GRIK2: variants seen among roughly 807,000 people sequenced by gnomAD.
The protein encoded by GRIK2 is glutamate receptor ionotropic, kainate 2.
In GRIK2, 32 loss-of-function variants were observed where a neutral mutation model predicts 100.3. That is an observed-to-expected ratio of 0.32 (90% CI 0.24 to 0.43). The LOEUF (loss-of-function observed/expected upper bound fraction) is 0.43, where lower values mean the gene tolerates loss of function less well. Ranked by LOEUF, GRIK2 falls within the 20% of genes least tolerant of loss-of-function variation. The pLI, the probability that GRIK2 is intolerant of heterozygous loss-of-function variation, is 1.00. For synonymous variants in GRIK2, 417 were observed against 389.4 expected (o/e 1.07, Z -0.83); for missense variants, 843 against 1,114.9 (o/e 0.76, Z 3.47).
intron 14 of GRIK2, among the ~76,000 whole-genome samples, chr6:102,010,542 C>A (rs1454053121): frequency 6.6e-6 from 1 of 151,958 alleles, no homozygotes; most frequent in Non-Finnish European, 1.5e-5. Flanking sequence ...TGCCACCATG[C>A]CCAGCTAATT....
chr6:101,779,678 T>C (rs944587770), intron 7 of GRIK2, among the ~76,000 whole-genome samples: 14 of 152,296 alleles, frequency 9.2e-5, no homozygotes, highest in African/African-American at 3.4e-4. Context: ...ATTAGCCCTG[T>C]CTGGCTGGTA....
At chr6:101,916,662 G>GCACTT (rs1206080423) in intron 12 of GRIK2, among the ~76,000 whole-genome samples, 2 of 151,480 alleles carry the variant, frequency 1.3e-5, no homozygotes, top group Admixed American at 6.6e-5. Flanking sequence ...AACCTTCTGT[G>GCACTT]CACTTCAGAG....
chr6:101,625,958 C>T (rs143469205), intron 3 of GRIK2, among the ~76,000 whole-genome samples: 178 of 152,104 alleles, frequency 1.2e-3, no homozygotes, highest in African/African-American at 4.0e-3. Context: ...GCTAATTGCA[C>T]GAGTAAAGGG....
chr6:102,036,744 T>C (rs1279525004), intron 15 of GRIK2, among the ~76,000 whole-genome samples: 1 of 151,362 alleles, frequency 6.6e-6, no homozygotes, highest in Non-Finnish European at 1.5e-5. Context: ...TTCTGACATA[T>C]AGAACTGTGA....
intron 2 of GRIK2, among the ~76,000 whole-genome samples, chr6:101,491,866 TGC>T (rs1222331863): frequency 2.6e-5 from 4 of 151,910 alleles, no homozygotes; most frequent in African/African-American, 4.8e-5. Context: ...TATCATAGTT[TGC>T]ATATATATAT....
chr6:101,913,710 G>A (rs1412851347), intron 12 of GRIK2, among the ~76,000 whole-genome samples: 1 of 151,418 alleles, frequency 6.6e-6, no homozygotes, highest in Admixed American at 6.6e-5. Context: ...TTAATGAGCT[G>A]TAATAAAGGA....
At chr6:101,483,116 T>C (rs1489908999) in intron 2 of GRIK2, among the ~76,000 whole-genome samples, 1 of 152,206 alleles carries the variant, frequency 6.6e-6, no homozygotes, top group South Asian at 2.1e-4. Context: ...TCTTACTTTT[T>C]TTTAAATCAG....
chr6:102,037,984 C>G (rs1282852944), intron 15 of GRIK2, among the ~76,000 whole-genome samples: 1 of 151,558 alleles, frequency 6.6e-6, no homozygotes, highest in African/African-American at 2.4e-5. Flanking sequence ...TGAATATCAT[C>G]ATGCAGTATT....
At chr6:101,750,244 G>T (rs1776702213) in intron 7 of GRIK2, among the ~76,000 whole-genome samples, 1 of 152,028 alleles carries the variant, frequency 6.6e-6, no homozygotes, top group Non-Finnish European at 1.5e-5. Context: ...GACCAAGTTG[G>T]CCAGTGTTAC....
Position 102,050,800 on chromosome 6 carries a change from G to T in GRIK2, c.2312-4530G>T, listed in dbSNP as rs554834342. 5.8e-4 allele frequency among the ~76,000 whole-genome samples: 88 copies of T among 151,040 alleles called. 1 individual carries two copies. The highest frequency in any genetic ancestry group is 2.1e-3 in the African/African-American group (88 of 41,160). On this transcript the variant is annotated intron_variant, in intron 15 of 16. Coordinates refer to ENST00000369134, the MANE Select transcript of GRIK2 (RefSeq NM_021956.5). The stretch of plus-strand genomic sequence containing the variant: ...AGGGTAGAGGGAGAAAGGGAGGGAG[G>T]GAGGACAGAAGGAAGGAAGGAAGCA...
intron 14 of GRIK2, among the ~76,000 whole-genome samples, chr6:102,023,433 G>T (rs1769533947): frequency 6.6e-6 from 1 of 151,494 alleles, no homozygotes; most frequent in African/African-American, 2.4e-5. Flanking sequence ...ATTCGCTGTG[G>T]CTTGTAGGGT....
intron 12 of GRIK2, chr6:101,891,663 AT>A (rs1787109205): frequency 2.8e-6 from 1 of 362,036 alleles, no homozygotes; most frequent in African/African-American, 2.2e-5. Context: ...TCAGATAATT[AT>A]TATTTGCATT....
At chr6:102,068,068 A>T (rs1302184218) in intron 16 of GRIK2, among the ~76,000 whole-genome samples, 1 of 151,858 alleles carries the variant, frequency 6.6e-6, no homozygotes, top group Non-Finnish European at 1.5e-5. Context: ...TCATAGGAAA[A>T]TTTTATTTAA....
intron 4 of GRIK2, among the ~76,000 whole-genome samples, chr6:101,656,268 A>T (rs1461044940): frequency 6.6e-6 from 1 of 150,652 alleles, no homozygotes; most frequent in Non-Finnish European, 1.5e-5. Flanking sequence ...GCACCATTGT[A>T]CTCCAGCCTG....
chr6:101,573,769 A>T (rs527762776), intron 2 of GRIK2, among the ~76,000 whole-genome samples: 49 of 152,246 alleles, frequency 3.2e-4, no homozygotes, highest in African/African-American at 1.1e-3. Flanking sequence ...ACCTGTAAAT[A>T]CAAATAAGCC....
intron 2 of GRIK2, among the ~76,000 whole-genome samples, chr6:101,432,929 C>T (rs1030417974): frequency 4.6e-5 from 7 of 152,018 alleles, no homozygotes; most frequent in Admixed American, 6.6e-5. Flanking sequence ...AGATCTACCC[C>T]CTTTCCAGAC....
intron 12 of GRIK2, among the ~76,000 whole-genome samples, chr6:101,923,268 C>T (rs562111721): frequency 2.7e-4 from 41 of 151,786 alleles, no homozygotes; most frequent in African/African-American, 9.7e-4. Context: ...TTTCACAAAG[C>T]GGACATATTC....
At chr6:101,849,107 C>G (rs1783970071) in intron 10 of GRIK2, among the ~76,000 whole-genome samples, 1 of 151,738 alleles carries the variant, frequency 6.6e-6, no homozygotes, top group African/African-American at 2.4e-5. Context: ...CTAAAACTTG[C>G]TGCCTTATAC....
intron 7 of GRIK2, among the ~76,000 whole-genome samples, chr6:101,785,383 G>T (rs1779358544): frequency 6.6e-6 from 1 of 152,210 alleles, no homozygotes. Context: ...TAGCCATAGA[G>T]TATTTGCCTA....
Sources: gnomAD v4.1 joint callset for allele counts (sites outside exome capture counted in the v4.1 genomes callset) on GRCh38, gnomAD v4.1.1 for gene constraint, MANE v1.5 for transcripts, NCBI Gene and HGNC (gene_info 2026-07-23, HGNC 2026-07-21) for gene names.